Variants in RGS7 observed in about 807,000 individuals in gnomAD.
The protein encoded by RGS7 is regulator of G protein signaling 7.
Under a neutral mutation model 81.1 loss-of-function variants are expected in RGS7, and 27 were observed. The observed-to-expected ratio is 0.33, with a 90% CI of 0.25 to 0.46. The LOEUF is 0.46. Among genes scored for constraint, RGS7 ranks in the 20% least tolerant of loss-of-function variants. The pLI is 1.00. For missense variants in RGS7, 396 were observed against 607.4 expected (o/e 0.65, Z 3.66); for synonymous variants, 208 against 207.7 (o/e 1.00, Z -0.01).
intron 9 of RGS7, among the ~76,000 whole-genome samples, chr1:240,829,583 G>A (rs543250612): frequency 6.6e-6 from 1 of 152,252 alleles, no homozygotes; most frequent in South Asian, 2.1e-4. Flanking sequence ...CTAAGCCTGA[G>A]CCATAACGGA....
intron 10 of RGS7, among the ~76,000 whole-genome samples, chr1:240,817,597 C>T (rs1033379257): frequency 1.2e-4 from 19 of 152,058 alleles, no homozygotes; most frequent in African/African-American, 4.1e-4. Flanking sequence ...TCCCGCCCTC[C>T]GTCCTTTTTA....
At chr1:241,097,812 C>T (rs372379272) in intron 3 of RGS7, among the ~76,000 whole-genome samples, 21 of 152,262 alleles carry the variant, frequency 1.4e-4, no homozygotes, top group East Asian at 5.8e-4. Context: ...CAATCAAACC[C>T]GCGGGGGTTC....
chr1:241,174,245 G>T (rs4660038), intron 2 of RGS7, among the ~76,000 whole-genome samples: 97,047 of 152,136 alleles, frequency 0.64, 31,440 homozygotes, highest in East Asian at 0.8. Context: ...TGAGGTCCCA[G>T]GTTGAAAAAA....
chr1:240,845,982 G>A (rs1480681798), intron 9 of RGS7, among the ~76,000 whole-genome samples: 1 of 152,190 alleles, frequency 6.6e-6, no homozygotes, highest in South Asian at 2.1e-4. Flanking sequence ...AAATCTGTGT[G>A]CTTTTGAAAC....
At chr1:241,109,288 C>G (rs547063424) in intron 2 of RGS7, among the ~76,000 whole-genome samples, 46 of 152,232 alleles carry the variant, frequency 3.0e-4, no homozygotes, top group African/African-American at 9.9e-4. Flanking sequence ...TGTGGAAATT[C>G]AGCTATACTT....
rs777383977 is a variant in RGS7, at chr1:241,142,025, A to G, written c.79-43263T>C. 1.0e-3 allele frequency among the ~76,000 whole-genome samples: 158 copies of G among 152,248 alleles called. 6 individuals are homozygous for G. The highest frequency in any genetic ancestry group is 5.6e-4 in the Non-Finnish European group (38 of 68,048). ...GGGCTGCAGGCCCCATGCTAGTCCA[A>G]AATCCAGCAGGGCAGTCAAATCTTA... is the stretch of plus-strand genomic sequence containing the variant. On this transcript the variant is annotated intron_variant, in intron 2 of 18. Coordinates refer to ENST00000440928, the MANE Select transcript of RGS7 (RefSeq NM_001364886.1).
At chr1:241,016,569 A>C (rs1193910668) in intron 3 of RGS7, among the ~76,000 whole-genome samples, 2 of 138,592 alleles carry the variant, frequency 1.4e-5, no homozygotes, top group African/African-American at 6.3e-5. Flanking sequence ...CCAAACAAAC[A>C]AAAAAAAAAC....
intron 6 of RGS7, among the ~76,000 whole-genome samples, chr1:240,915,376 C>T (rs555529331): frequency 6.6e-6 from 1 of 152,150 alleles, no homozygotes; most frequent in African/African-American, 2.4e-5. Context: ...GGGTCCTAAT[C>T]ATCAGATTAT....
At chr1:241,114,104 C>CCA (rs2065722931) in intron 2 of RGS7, among the ~76,000 whole-genome samples, 1 of 152,064 alleles carries the variant, frequency 6.6e-6, no homozygotes, top group Non-Finnish European at 1.5e-5. Flanking sequence ...GAATTCTGAC[C>CCA]CACAGCCCCT....
intron 4 of RGS7, among the ~76,000 whole-genome samples, chr1:240,937,645 T>C (rs1324561335): frequency 6.6e-6 from 1 of 152,258 alleles, no homozygotes; most frequent in African/African-American, 2.4e-5. Context: ...TTGGCATTTA[T>C]AGCACTTTAA....
chr1:241,025,080 C>A (rs680449), intron 3 of RGS7, among the ~76,000 whole-genome samples: 67,880 of 151,960 alleles, frequency 0.45, 15,570 homozygotes, highest in Middle Eastern at 0.55. Context: ...TATCAGGAAG[C>A]GCAAAAGCCA....
intron 2 of RGS7, among the ~76,000 whole-genome samples, chr1:241,255,957 C>T (rs1317760004): frequency 6.6e-6 from 1 of 151,786 alleles, no homozygotes. Context: ...GGGACACCAG[C>T]GGTAAAGAAA....
At chr1:240,903,555 T>C (rs1281557120) in intron 6 of RGS7, among the ~76,000 whole-genome samples, 3 of 152,114 alleles carry the variant, frequency 2.0e-5, no homozygotes, top group African/African-American at 7.2e-5. Flanking sequence ...TTGGCAGAAC[T>C]GGCCTAGTTA....
intron 18 of RGS7, among the ~76,000 whole-genome samples, chr1:240,781,893 T>C (rs2102969634): frequency 6.6e-6 from 1 of 151,512 alleles, no homozygotes; most frequent in South Asian, 2.1e-4. Context: ...CGGTCACCTG[T>C]AATCCCAGCT....
chr1:240,800,790 G>T (rs772860468), intron 17 of RGS7, 69 bp from the exon 18 acceptor site: 6 of 820,046 alleles, frequency 7.3e-6, no homozygotes, highest in Non-Finnish European at 1.2e-5. Flanking sequence ...CAAAGGCACT[G>T]GCACAATACA....
chr1:240,835,596 T>G (rs1017446677), intron 9 of RGS7, among the ~76,000 whole-genome samples: 2 of 152,190 alleles, frequency 1.3e-5, no homozygotes, highest in East Asian at 1.9e-4. Context: ...TTACCCAAAT[T>G]GAGTCGAAAA....
At chr1:240,813,875 G>C in intron 12 of RGS7, 147 bp from the exon 13 acceptor site, 1 of 664,432 alleles carries the variant, frequency 1.5e-6, no homozygotes, top group Non-Finnish European at 2.7e-6. Context: ...TCACGCTTCA[G>C]TAACTTTCAT....
chr1:241,234,622 G>A (rs1175860849), intron 2 of RGS7, among the ~76,000 whole-genome samples: 2 of 152,080 alleles, frequency 1.3e-5, no homozygotes, highest in Non-Finnish European at 1.5e-5. Context: ...AGGGGAGCCT[G>A]GGTCTCCATA....
chr1:241,054,824 C>A (rs942799227), intron 3 of RGS7, among the ~76,000 whole-genome samples: 1 of 152,142 alleles, frequency 6.6e-6, no homozygotes, highest in Admixed American at 6.5e-5. Context: ...TATAAGCCAA[C>A]ATCCTCTTTC....
Sources: gnomAD v4.1 joint callset for allele counts (sites outside exome capture counted in the v4.1 genomes callset) on GRCh38, gnomAD v4.1.1 for gene constraint, MANE v1.5 for transcripts, NCBI Gene and HGNC (gene_info 2026-07-23, HGNC 2026-07-21) for gene names.